Variants in MCM3AP observed in about 807,000 individuals in gnomAD.
MCM3AP encodes the protein minichromosome maintenance complex component 3 associated protein, also known as germinal-center associated nuclear protein.
MCM3AP carries 126 observed loss-of-function variants against 184.1 expected under a neutral mutation model. The observed-to-expected ratio is 0.68, with a 90% CI of 0.59 to 0.79. The LOEUF (loss-of-function observed/expected upper bound fraction) is 0.79, where lower values mean the gene tolerates loss of function less well. MCM3AP is among the 30% of genes least tolerant of loss of function. MCM3AP has a pLI of 0.00. For synonymous variants in MCM3AP, 1,002 were observed against 979.3 expected, an observed-to-expected ratio of 1.02 and a Z score of -0.43; for missense variants, 2,496 against 2,479.2, an observed-to-expected ratio of 1.01 and a Z score of -0.14.
chr21:46,267,147 G>A lies in MCM3AP; in HGVS notation c.2629-5C>T, dbSNP rs57374778. On this transcript the variant is annotated splice_polypyrimidine_tract_variant and splice_region_variant and intron_variant, in intron 9 of 27. Coordinates refer to ENST00000291688, the MANE Select transcript of MCM3AP (RefSeq NM_003906.5). Reference sequence around the variant, plus strand: ...CCGGAGAGCATCCTTGCGGATCTGAGAGGAGGAGCGAAATCACTGCAGTCT... The same window carrying A: ...CCGGAGAGCATCCTTGCGGATCTGAAAGGAGGAGCGAAATCACTGCAGTCT... 6.2e-7 allele frequency: 1 copy of A among 1,612,434 alleles called. No homozygotes were observed. Among genetic ancestry groups the A allele is most frequent in the Non-Finnish European group, 8.5e-7 (1 of 1,179,346 alleles).
Position 46,272,592 on chromosome 21 carries a change from G to A in MCM3AP, c.2434C>T (p.Leu812=). 1.2e-6 allele frequency: 2 copies of A among 1,614,174 alleles called. No homozygotes were observed. The highest frequency in any genetic ancestry group is 1.7e-6 in the Non-Finnish European group (2 of 1,180,016). The change falls in exon 8 of 28, where the codon CTG becomes TTG. Residue 812 remains leucine (L), a synonymous_variant. Transcript: ENST00000291688. ...SEAEFQGYNV[L]LSLNKGDILR... is the part of the protein sequence containing the mutation. ...ATGTCTCCCTTGTTGAGACTGAGCA[G>A]AACATTGTAGCCCTGGAACTCCGCT... is the stretch of plus-strand genomic sequence containing the variant.
chr21:46,277,355 G>A (rs557332069), intron 5 of MCM3AP, among the ~76,000 whole-genome samples, 172 bp downstream of exon 5: 1 of 151,902 alleles, frequency 6.6e-6, no homozygotes, highest in Non-Finnish European at 1.5e-5. Context: ...ACACATACAC[G>A]CAACACTCAC....
At chr21:46,269,848 C>T (rs1227563985) in intron 9 of MCM3AP, among the ~76,000 whole-genome samples, 1 of 152,214 alleles carries the variant, frequency 6.6e-6, no homozygotes, top group African/African-American at 2.4e-5. Flanking sequence ...GCTCTGTCCT[C>T]ATCCCCAAGT....
Position 46,236,939 on chromosome 21 carries a change from C to T in MCM3AP, c.5674G>A (p.Gly1892Arg). 3 of 1,570,342 alleles carry T rather than the reference C, an allele frequency of 1.9e-6. No homozygotes were observed. The highest frequency in any genetic ancestry group is 2.6e-6 in the Non-Finnish European group (3 of 1,165,114). The change falls in exon 27 of 28, where the codon GGA becomes AGA. Residue 1892 changes from glycine to arginine, a missense_variant. Around this residue, in one of 5 missense-constraint regions of MCM3AP, gnomAD observed 1,323 missense variants for 1,273.4 expected, o/e 1.04. Transcript: ENST00000291688. ...AGGGAAGTTAAATCCGTAAATGCTC[C>T]TGAGTCTTCAGACAACCATTGCTGA... ...QLQQWLSEDS[G>R]AFTDLTSLPL...
rs1028668515 is a variant in MCM3AP, at chr21:46,280,021, T to C, written c.1639A>G (p.Thr547Ala). Residue 547 changes from threonine to alanine, a missense_variant, in exon 4 of 28, where the codon ACT (threonine) becomes GCT (alanine). This residue lies in a region of MCM3AP where 800 missense variants were observed against 717.1 expected (regional missense o/e 1.12). Coordinates refer to ENST00000291688, the MANE Select transcript of MCM3AP (RefSeq NM_003906.5). ...TTATTCAGGAGGCTGCTAGCACCAGTCCTCCCTGCGGCCTTGCCAAGAGGA... is the reference window on the plus strand; with the variant it reads ...TTATTCAGGAGGCTGCTAGCACCAGCCCTCCCTGCGGCCTTGCCAAGAGGA... ...HSPLGKAAGR[T>A]GASSLLNKSS... 6.2e-7 allele frequency: 1 copy of C among 1,613,772 alleles called. No individual in the cohort carries two copies. Among genetic ancestry groups the C allele is most frequent in the Non-Finnish European group, 8.5e-7 (1 of 1,179,886 alleles).
chr21:46,243,514 G>A lies in MCM3AP; in HGVS notation c.5247C>T (p.Ile1749=). ...GCGTCCAGTCTCTCAGCTTGTGGTT[G>A]ATACACAAGGCGATAAGATCATCCC... ...IPWDDLIALC[I]NHKLRDWTPP... is the part of the protein sequence containing the mutation. The change falls in exon 24 of 28, where the codon ATC becomes ATT. Residue 1749 remains isoleucine, a synonymous_variant. Coordinates refer to ENST00000291688, the MANE Select transcript of MCM3AP (RefSeq NM_003906.5). 1.2e-6 allele frequency: 2 copies of A among 1,614,134 alleles called. No homozygotes were observed. The highest frequency in any genetic ancestry group is 1.7e-6 in the Non-Finnish European group (2 of 1,179,970).
chr21:46,263,890 A>G (rs1257655056), intron 13 of MCM3AP, among the ~76,000 whole-genome samples: 2 of 151,984 alleles, frequency 1.3e-5, no homozygotes, highest in Non-Finnish European at 2.9e-5. Context: ...CTGCAGAAAC[A>G]GAAAAACTCA....
At chr21:46,249,407 C>T (rs1282213139) in intron 20 of MCM3AP, among the ~76,000 whole-genome samples, 8 of 152,074 alleles carry the variant, frequency 5.3e-5, no homozygotes, top group Admixed American at 2.6e-4. Flanking sequence ...AGGCTGGTCT[C>T]GAACTCCTGC....
chr21:46,285,871 A>T (rs1601558093), upstream of MCM3AP: 1 of 152,072 alleles, frequency 6.6e-6, no homozygotes, highest in Non-Finnish European at 1.5e-5. Flanking sequence ...CCTGGCGGCC[A>T]CCCTCGAGCG....
chr21:46,254,682 C>A, intron 18 of MCM3AP, 94 bp downstream of exon 18: 1 of 1,424,696 alleles, frequency 7.0e-7, no homozygotes, highest in South Asian at 1.2e-5. Context: ...ATCGAAGAGA[C>A]CTCAGTTGGA....
At chr21:46,268,480 G>A (rs902885165) in intron 9 of MCM3AP, among the ~76,000 whole-genome samples, 1 of 152,238 alleles carries the variant, frequency 6.6e-6, no homozygotes, top group Non-Finnish European at 1.5e-5. Flanking sequence ...CAAACACACA[G>A]AATGGTGATT....
In MCM3AP at chr21:46,243,572, T is replaced by C. The variant is rs1287643536; in HGVS notation, c.5189A>G (p.His1730Arg). ...RWKSKSPSPVHGAGPSVMEIP... is the reference protein window; with the variant it reads ...RWKSKSPSPVRGAGPSVMEIP... The stretch of plus-strand genomic sequence containing the variant: ...CTCCATGACCGAGGGGCCTGCCCCA[T>C]GGACTGGGGAGGGACTCTTGCTCTT... Residue 1730 changes from histidine to arginine, a missense_variant, in exon 24 of 28, where the codon CAT (histidine) becomes CGT (arginine). Transcript: ENST00000291688. 6.2e-7 allele frequency: 1 copy of C among 1,614,158 alleles called. No individual in the cohort carries two copies. The highest frequency in any genetic ancestry group is 1.7e-5 in the Admixed American group (1 of 60,030).
chr21:46,273,145 T>G (rs946141278), intron 7 of MCM3AP, among the ~76,000 whole-genome samples: 2 of 152,098 alleles, frequency 1.3e-5, no homozygotes, highest in African/African-American at 4.8e-5. Flanking sequence ...AAGCTAATTT[T>G]TGTATTTTCA....
intron 1 of MCM3AP, 96 bp downstream of exon 1, chr21:46,283,972 G>A (rs1601551798): frequency 6.5e-7 from 1 of 1,544,040 alleles, no homozygotes; most frequent in East Asian, 2.3e-5. Flanking sequence ...TAATGTTTAT[G>A]GGAGATTTAT....
In MCM3AP at chr21:46,272,919, C is replaced by T. The variant is rs572722161; in HGVS notation, c.2197-90G>A. On this transcript the variant is annotated intron_variant, in intron 7 of 27. Transcript: ENST00000291688. Reference sequence around the variant, plus strand: ...ATCATGCTACGACCTCAATTTCTCACTTTTCAATTTGAAACAAAGCCCATG... The same window carrying T: ...ATCATGCTACGACCTCAATTTCTCATTTTTCAATTTGAAACAAAGCCCATG... 481 of 1,286,454 alleles carry T rather than the reference C, an allele frequency of 3.7e-4. 1 individual carries two copies. The highest frequency in any genetic ancestry group is 4.7e-4 in the Non-Finnish European group (441 of 938,244). 79.7% of individuals were successfully genotyped at this position (1,286,454 alleles called of 1,614,324 possible).
chr21:46,255,870 G>A (rs189591331), intron 17 of MCM3AP, among the ~76,000 whole-genome samples: 55 of 152,230 alleles, frequency 3.6e-4, no homozygotes, highest in African/African-American at 1.3e-3. Context: ...CATGACTCCA[G>A]GAGAAGGCCA....
chr21:46,284,534 G>A lies in MCM3AP; in HGVS notation c.753C>T (p.Ser251=). ...CCAAAACCGCAGATGATACAGGGAA[G>A]CTACTGAAGCTATTATTAGAACTTC... ...IFGSSNNSFS[S]FPVSSAVLGE... Residue 251 remains serine, a synonymous_variant, in exon 1 of 28, where the codon AGC becomes AGT. Transcript: ENST00000291688. 2 of 1,614,226 alleles carry A rather than the reference G, an allele frequency of 1.2e-6. No homozygotes were observed. Among genetic ancestry groups the A allele is most frequent in the East Asian group, 2.2e-5 (1 of 44,890 alleles).
At chr21:46,279,935 A>T in intron 4 of MCM3AP, 58 bp downstream of exon 4, 4 of 1,536,214 alleles carry the variant, frequency 2.6e-6, no homozygotes, top group Non-Finnish European at 3.5e-6. Flanking sequence ...AGGTGTCGCT[A>T]TAGGGCGCTA....
intron 4 of MCM3AP, among the ~76,000 whole-genome samples, chr21:46,278,489 G>T (rs901767822): frequency 1.3e-5 from 2 of 152,172 alleles, no homozygotes; most frequent in Non-Finnish European, 2.9e-5. Context: ...GGATTCAGCC[G>T]GAGATCTGTC....
Sources: gnomAD v4.1 joint callset for allele counts (sites outside exome capture counted in the v4.1 genomes callset) on GRCh38, gnomAD v4.1.1 for gene constraint, gnomAD v4.1.1 regional missense constraint, MANE v1.5 for transcripts, NCBI Gene and HGNC (gene_info 2026-07-23, HGNC 2026-07-21) for gene names.